UQCC1: variants seen among roughly 807,000 people sequenced by gnomAD.
UQCC1 encodes the protein bFGF-repressed Zic-binding protein.
A neutral mutation model predicts 48.0 loss-of-function variants in UQCC1; 38 were observed. That is an observed-to-expected ratio of 0.79 (90% CI 0.61 to 1.04). The LOEUF (loss-of-function observed/expected upper bound fraction) is 1.04. Among genes scored for constraint, UQCC1 ranks in the 50% least tolerant of loss-of-function variants. The probability of loss-of-function intolerance (pLI) is 0.00; values close to 1 mark genes in which losing one functional copy is unlikely to be tolerated. For missense variants in UQCC1, 368 were observed against 381.8 expected (o/e 0.96, Z 0.30); for synonymous variants, 111 against 129.2 (o/e 0.86, Z 0.95).
chr20:35,357,451 C>T (rs1157182302), intron 6 of UQCC1, among the ~76,000 whole-genome samples: 2 of 151,904 alleles, frequency 1.3e-5, no homozygotes, highest in African/African-American at 2.4e-5. Context: ...ACCAGGGAGG[C>T]GGAGGTTGCA....
chr20:35,373,776 T>TG (rs1383193228), intron 5 of UQCC1, among the ~76,000 whole-genome samples: 1 of 152,048 alleles, frequency 6.6e-6, no homozygotes, highest in African/African-American at 2.4e-5. Flanking sequence ...GATGCATGTG[T>TG]GGACAAGGGA....
Position 35,306,914 on chromosome 20 carries a change from G to C in UQCC1, c.652-135C>G, listed in dbSNP as rs747851381. 6 of 727,372 alleles carry C rather than the reference G, an allele frequency of 8.2e-6. No individual in the cohort carries two copies. The South Asian group carries it at 8.7e-5, about 11-fold the overall frequency. 45.1% of individuals were successfully genotyped at this position (727,372 alleles called of 1,614,324 possible). On this transcript the variant is annotated intron_variant, in intron 8 of 9. Coordinates refer to ENST00000374385, the MANE Select transcript of UQCC1 (RefSeq NM_018244.5). ...CCTCCACGCACAAGAGGAAAATGGG[G>C]CAGTCACACAGTAGAGGTGGAAGGG... is the stretch of plus-strand genomic sequence containing the variant.
chr20:35,348,391 G>C (rs2146392032), intron 6 of UQCC1, among the ~76,000 whole-genome samples: 1 of 151,904 alleles, frequency 6.6e-6, no homozygotes, highest in Admixed American at 6.6e-5. Context: ...GTTTTGTTTT[G>C]TTTTGTTTTG....
At chr20:35,408,729 C>A (rs188637094) in intron 1 of UQCC1, among the ~76,000 whole-genome samples, 63 of 151,932 alleles carry the variant, frequency 4.1e-4, no homozygotes, top group African/African-American at 1.4e-3. Context: ...GTGGCACATG[C>A]CTGTGGTCCC....
chr20:35,324,313 C>A (rs2061165265), intron 7 of UQCC1, among the ~76,000 whole-genome samples: 1 of 152,154 alleles, frequency 6.6e-6, no homozygotes, highest in Non-Finnish European at 1.5e-5. Context: ...CGCACCACCA[C>A]ACCCAGCTAA....
At chr20:35,341,722 G>A (rs910044519) in intron 7 of UQCC1, among the ~76,000 whole-genome samples, 2 of 152,174 alleles carry the variant, frequency 1.3e-5, no homozygotes, top group Non-Finnish European at 2.9e-5. Flanking sequence ...CCAGTTAGCT[G>A]TGGAAGGATG....
intron 7 of UQCC1, among the ~76,000 whole-genome samples, chr20:35,338,892 A>AAAAAAAATAT (rs1555805500): frequency 2.0e-4 from 6 of 30,560 alleles, no homozygotes; most frequent in Non-Finnish European, 2.9e-4. Flanking sequence ...AAAAAAAAAA[A>AAAAAAAATAT]ATATATATAT....
At chr20:35,391,997 A>G (rs980422062) in intron 2 of UQCC1, among the ~76,000 whole-genome samples, 1 of 152,182 alleles carries the variant, frequency 6.6e-6, no homozygotes, top group African/African-American at 2.4e-5. Flanking sequence ...TTTGAAAACA[A>G]TAATAGGATT....
chr20:35,329,725 C>T (rs2061236134), intron 7 of UQCC1, among the ~76,000 whole-genome samples: 1 of 152,226 alleles, frequency 6.6e-6, no homozygotes, highest in African/African-American at 2.4e-5. Context: ...GGCGGAGCTA[C>T]TGCCCTCTGG....
intron 1 of UQCC1, among the ~76,000 whole-genome samples, chr20:35,403,354 T>C (rs1031064224): frequency 3.4e-4 from 51 of 152,112 alleles, no homozygotes; most frequent in African/African-American, 1.2e-3. Context: ...TATAGACATA[T>C]ATATATTTCC....
chr20:35,313,883 C>T (rs1406446058), intron 8 of UQCC1, among the ~76,000 whole-genome samples: 1 of 151,900 alleles, frequency 6.6e-6, no homozygotes, highest in African/African-American at 2.4e-5. Context: ...GCTGGGATTA[C>T]AGGCGTGAGC....
intron 6 of UQCC1, among the ~76,000 whole-genome samples, chr20:35,363,234 C>T (rs1048633799): frequency 1.3e-5 from 2 of 152,028 alleles, no homozygotes; most frequent in African/African-American, 4.8e-5. Flanking sequence ...AGAGAAGAGA[C>T]AAATGAGGGC....
chr20:35,391,706 G>C (rs1208945852), intron 2 of UQCC1, among the ~76,000 whole-genome samples: 1 of 138,698 alleles, frequency 7.2e-6, no homozygotes, highest in Non-Finnish European at 1.6e-5. Flanking sequence ...TGTTATCGCA[G>C]ATCAAAAAAG....
rs142034321 is a variant in UQCC1, at chr20:35,401,658, CTTT to C, written c.25-7465_25-7463del. ...AATCAATTATAAACATGAAATCCACCTTTTTTTTTTTTTTTTTTTTGAGACAGA... is the reference window on the plus strand; with the variant it reads ...AATCAATTATAAACATGAAATCCACCTTTTTTTTTTTTTTTTTGAGACAGA... On this transcript the variant is annotated intron_variant, in intron 1 of 9. Coordinates refer to ENST00000374385, the MANE Select transcript of UQCC1 (RefSeq NM_018244.5). Among the ~76,000 whole-genome samples the C allele has an allele frequency of 1.1e-4, 13 of 117,974 alleles. No homozygotes were observed. In the East Asian group the frequency reaches 1.5e-3, roughly 14 times the overall value. The allele number at this position is 117,974 out of a possible 152,430, so 77.4% of individuals were successfully genotyped here.
chr20:35,386,206 A>C (rs2061940831), intron 2 of UQCC1: 1 of 382,972 alleles, frequency 2.6e-6, no homozygotes, highest in African/African-American at 2.1e-5. Context: ...AAATTTAAGA[A>C]TCTATAGCCA....
chr20:35,328,595 A>T (rs956152889), intron 7 of UQCC1, among the ~76,000 whole-genome samples: 3 of 150,976 alleles, frequency 2.0e-5, no homozygotes, highest in Non-Finnish European at 2.9e-5. Context: ...CTAGGGCAGG[A>T]TTTGAGTCCA....
chr20:35,383,157 T>G (rs2061897266), intron 3 of UQCC1, among the ~76,000 whole-genome samples: 1 of 152,172 alleles, frequency 6.6e-6, no homozygotes, highest in South Asian at 2.1e-4. Flanking sequence ...ACTCTTGCAT[T>G]TTTTAGTAAA....
chr20:35,311,431 T>C (rs1238009075), intron 8 of UQCC1, among the ~76,000 whole-genome samples: 4 of 152,230 alleles, frequency 2.6e-5, no homozygotes. Flanking sequence ...TCCAAGATGG[T>C]AGTCACATAT....
chr20:35,383,712 C>T (rs2061903622), intron 3 of UQCC1, among the ~76,000 whole-genome samples: 2 of 152,118 alleles, frequency 1.3e-5, no homozygotes, highest in South Asian at 4.1e-4. Flanking sequence ...TGGCAGTACA[C>T]AGTGGTGCAT....
Sources: allele counts gnomAD v4.1 joint callset (sites outside exome capture counted in the v4.1 genomes callset), GRCh38; gene constraint gnomAD v4.1.1; transcripts MANE v1.5; gene names NCBI Gene and HGNC (gene_info 2026-07-23, HGNC 2026-07-21).